The following RPAP2 variants were observed in gnomAD, a reference collection of about 807,000 sequenced individuals.
The protein encoded by RPAP2 is RNA polymerase II associated protein 2, also known as putative RNA polymerase II subunit B1 CTD phosphatase RPAP2.
RPAP2 carries 52 observed loss-of-function variants against 73.1 expected under a neutral mutation model. That is an observed-to-expected ratio of 0.71 (90% CI 0.57 to 0.90). The LOEUF is 0.90. RPAP2 is among the 40% of genes least tolerant of loss of function. RPAP2 has a pLI of 0.00. For missense variants in RPAP2, 598 were observed against 701.8 expected (o/e 0.85, Z 1.67); for synonymous variants, 225 against 242.1 (o/e 0.93, Z 0.65).
At chr1:92,314,070 C>G (rs896562984) in intron 6 of RPAP2, among the ~76,000 whole-genome samples, 3 of 152,204 alleles carry the variant, frequency 2.0e-5, no homozygotes, top group Admixed American at 6.5e-5. Context: ...TTTCTCTATA[C>G]CAGCAATAAG....
At chr1:92,380,927 G>T in intron 12 of RPAP2, 54 bp downstream of exon 12, 3 of 1,412,456 alleles carry the variant, frequency 2.1e-6, no homozygotes, top group African/African-American at 1.5e-5. Flanking sequence ...TTGCCTATGT[G>T]GATTCTTTTT....
At chr1:92,361,817 A>G (rs979081283) in intron 11 of RPAP2, among the ~76,000 whole-genome samples, 1 of 151,468 alleles carries the variant, frequency 6.6e-6, no homozygotes, top group Non-Finnish European at 1.5e-5. Flanking sequence ...CTTTATTCCA[A>G]ATATTGCTTT....
At chr1:92,371,102 C>T (rs1337724777) in intron 11 of RPAP2, among the ~76,000 whole-genome samples, 1 of 151,616 alleles carries the variant, frequency 6.6e-6, no homozygotes, top group African/African-American at 2.4e-5. Context: ...GTCAGGAGTT[C>T]GAGATCAGCC....
intron 6 of RPAP2, among the ~76,000 whole-genome samples, chr1:92,318,355 G>A (rs1557597359): frequency 6.6e-6 from 1 of 152,212 alleles, no homozygotes; most frequent in African/African-American, 2.4e-5. Flanking sequence ...GAGGCTCAGA[G>A]TGGTATGGTG....
In RPAP2 at chr1:92,387,072, C is replaced by G; in HGVS notation, c.*61C>G. 1 of 1,529,356 alleles carries G rather than the reference C, an allele frequency of 6.5e-7. No individual in the cohort carries two copies. The highest frequency in any genetic ancestry group is 8.9e-7 in the Non-Finnish European group (1 of 1,118,028). 94.7% of individuals were successfully genotyped at this position (1,529,356 alleles called of 1,614,324 possible). ...TATTCACCGTTTCTGGAATTCTAGC[C>G]GCCATGATGGTCTGGTGGTGACTGA... On this transcript the variant is annotated 3_prime_UTR_variant, in exon 13 of 13. Transcript: ENST00000610020.
rs781222947 is a variant in RPAP2, at chr1:92,323,483, C to T, written c.563C>T (p.Ala188Val). 2.5e-6 allele frequency: 4 copies of T among 1,612,012 alleles called. No individual in the cohort carries two copies. In the African/African-American group the frequency reaches 4.0e-5, roughly 16 times the overall value. ...GAAGAAGTACAGTTATGCAGTAAAGCCATTAAAACATCAGATATCGACAAT... is the reference window on the plus strand; with the variant it reads ...GAAGAAGTACAGTTATGCAGTAAAGTCATTAAAACATCAGATATCGACAAT... ...SGEEVQLCSK[A>V]IKTSDIDNPS... is the part of the protein sequence containing the mutation. The change falls in exon 8 of 13, where the codon GCC becomes GTC. Residue 188 changes from alanine to valine, a missense_variant. Ala to Val is a moderately conservative substitution (Grantham distance 64). This residue lies in a region of RPAP2 where 506 missense variants were observed against 612.8 expected (regional missense o/e 0.83). Coordinates refer to ENST00000610020, the MANE Select transcript of RPAP2 (RefSeq NM_024813.3).
chr1:92,313,879 T>C (rs989132057), intron 6 of RPAP2, among the ~76,000 whole-genome samples: 1 of 152,256 alleles, frequency 6.6e-6, no homozygotes, highest in Non-Finnish European at 1.5e-5. Flanking sequence ...TGCACTTTTA[T>C]GTTGTGGAGA....
intron 8 of RPAP2, among the ~76,000 whole-genome samples, chr1:92,329,860 A>G (rs764804538): frequency 3.3e-5 from 5 of 152,212 alleles, no homozygotes; most frequent in Admixed American, 6.5e-5. Flanking sequence ...TGAATTGGTC[A>G]TGGTCTCATC....
chr1:92,317,745 C>T (rs1652005411), intron 6 of RPAP2, among the ~76,000 whole-genome samples: 1 of 152,154 alleles, frequency 6.6e-6, no homozygotes, highest in Admixed American at 6.5e-5. Flanking sequence ...GTGATGCCTA[C>T]CTTATGCTTT....
At position 92,393,410 on chromosome 1, in the gene RPAP2, C is replaced by G. The variant is rs1656104470; in HGVS notation, c.*6399C>G. On this transcript the variant is annotated 3_prime_UTR_variant, in exon 13 of 13. Transcript: ENST00000610020. ...AAAACCTGGGCAATACCATTCAGGA[C>G]ATAGGCATGGGCAAAGACTTCATGT... 1 of 152,192 alleles carries G rather than the reference C, an allele frequency of 6.6e-6. No homozygotes were observed. Among genetic ancestry groups the G allele is most frequent in the Non-Finnish European group, 1.5e-5 (1 of 68,038 alleles). 9.4% of individuals were successfully genotyped at this position (152,192 alleles called of 1,614,324 possible).
Position 92,354,310 on chromosome 1 carries a change from T to C in RPAP2, c.1688+8396T>C, listed in dbSNP as rs192715495. Among the ~76,000 whole-genome samples the C allele has an allele frequency of 2.8e-3, 425 of 152,276 alleles. 15 individuals carry two copies. The highest frequency in any genetic ancestry group is 3.4e-3 in the Middle Eastern group (1 of 294). On this transcript the variant is annotated intron_variant, in intron 11 of 12. Coordinates refer to ENST00000610020, the MANE Select transcript of RPAP2 (RefSeq NM_024813.3). Reference sequence around the variant, plus strand: ...GAAGCCATAGTTGATTACATTTCAATCTTAGAGTATTGAAAAAAAGCTGGA... The same window carrying C: ...GAAGCCATAGTTGATTACATTTCAACCTTAGAGTATTGAAAAAAAGCTGGA...
chr1:92,362,684 T>G (rs1289232557), intron 11 of RPAP2, among the ~76,000 whole-genome samples: 1 of 152,194 alleles, frequency 6.6e-6, no homozygotes, highest in Non-Finnish European at 1.5e-5. Context: ...GACATTACAG[T>G]AATTGAATCT....
At chr1:92,332,068 T>C (rs943692849) in intron 8 of RPAP2, among the ~76,000 whole-genome samples, 1 of 152,020 alleles carries the variant, frequency 6.6e-6, no homozygotes, top group Non-Finnish European at 1.5e-5. Context: ...TTCCCAGTTA[T>C]CTCTTAGATA....
At chr1:92,340,611 G>A (rs186913352) in intron 10 of RPAP2, among the ~76,000 whole-genome samples, 32 of 152,264 alleles carry the variant, frequency 2.1e-4, no homozygotes, top group Non-Finnish European at 4.0e-4. Context: ...AGTTTCATTC[G>A]GCTAGGGTTG....
chr1:92,322,442 G>A (rs1184298708), intron 7 of RPAP2, among the ~76,000 whole-genome samples: 1 of 151,738 alleles, frequency 6.6e-6, no homozygotes, highest in Non-Finnish European at 1.5e-5. Context: ...TACTTGGGAG[G>A]CTGAGGCAGG....
At chr1:92,349,754 C>T (rs911048850) in intron 11 of RPAP2, among the ~76,000 whole-genome samples, 5 of 151,978 alleles carry the variant, frequency 3.3e-5, no homozygotes, top group Admixed American at 6.6e-5. Flanking sequence ...ATAGTGAGAC[C>T]CCGTCTCTAC....
chr1:92,324,517 A>G (rs1398712298), intron 8 of RPAP2, 142 bp downstream of exon 8: 1 of 671,514 alleles, frequency 1.5e-6, no homozygotes, highest in Non-Finnish European at 2.5e-6. Context: ...CTTTTGGTTT[A>G]CAGTGCCATC....
intron 8 of RPAP2, among the ~76,000 whole-genome samples, chr1:92,328,974 G>T (rs888980373): frequency 2.0e-5 from 3 of 152,224 alleles, no homozygotes; most frequent in African/African-American, 7.2e-5. Context: ...GGGAGTGTCT[G>T]CAAAGGGTCC....
rs768937233 is a variant in RPAP2, at chr1:92,320,561, C to T, written c.489-38C>T. On this transcript the variant is annotated intron_variant, in intron 6 of 12. Transcript: ENST00000610020. Reference sequence around the variant, plus strand: ...CTGGGGTTACAGGCATGAGCCACCGCACCCGGCCTAATTTTTATTTCTGTG... The same window carrying T: ...CTGGGGTTACAGGCATGAGCCACCGTACCCGGCCTAATTTTTATTTCTGTG... 5.6e-5 allele frequency: 89 copies of T among 1,599,440 alleles called. No homozygotes were observed. The East Asian group carries it at 6.0e-4, about 11-fold the overall frequency.
Sources: gnomAD v4.1 joint callset for allele counts (sites outside exome capture counted in the v4.1 genomes callset) on GRCh38, gnomAD v4.1.1 for gene constraint, gnomAD v4.1.1 regional missense constraint, MANE v1.5 for transcripts, NCBI Gene and HGNC (gene_info 2026-07-23, HGNC 2026-07-21) for gene names.